The following DAB1 variants were observed in gnomAD, a reference collection of about 807,000 sequenced individuals.
DAB1 encodes the protein DAB adaptor protein 1.
A neutral mutation model predicts 64.6 loss-of-function variants in DAB1; 15 were observed. The ratio of observed to expected loss-of-function variants is 0.23; its 90% CI spans 0.16 to 0.36. The LOEUF (loss-of-function observed/expected upper bound fraction) is 0.36, where lower values mean the gene tolerates loss of function less well. DAB1 is among the 10% of genes least tolerant of loss of function. The pLI is 1.00. For synonymous variants in DAB1, 235 were observed against 251.9 expected, an observed-to-expected ratio of 0.93 and a Z score of 0.64; for missense variants, 596 against 706.7, an observed-to-expected ratio of 0.84 and a Z score of 1.78.
chr1:57,126,244 GA>G (rs1657116274), intron 4 of DAB1, among the ~76,000 whole-genome samples: 1 of 152,134 alleles, frequency 6.6e-6, no homozygotes, highest in Non-Finnish European at 1.5e-5. Flanking sequence ...GTTAATTCTA[GA>G]ATCAAAAATT....
intron 2 of DAB1, among the ~76,000 whole-genome samples, chr1:57,240,587 T>C (rs1668425897): frequency 6.6e-6 from 1 of 152,160 alleles, no homozygotes; most frequent in South Asian, 2.1e-4. Context: ...ATTAGAGACA[T>C]GCAAACTCAA....
chr1:57,065,421 A>G (rs907240609), intron 8 of DAB1, among the ~76,000 whole-genome samples: 2 of 152,246 alleles, frequency 1.3e-5, no homozygotes, highest in Non-Finnish European at 2.9e-5. Flanking sequence ...ATGGAAAAGT[A>G]ATCAGACTAC....
chr1:57,646,130 T>C (rs1646188916), intron 7 of DAB1, among the ~76,000 whole-genome samples: 1 of 152,186 alleles, frequency 6.6e-6, no homozygotes, highest in Admixed American at 6.5e-5. Context: ...TCACCTATGA[T>C]GGCTGCAGAT....
At chr1:57,487,655 G>A (rs1644108817) in intron 7 of DAB1, among the ~76,000 whole-genome samples, 2 of 152,202 alleles carry the variant, frequency 1.3e-5, no homozygotes. Context: ...GTAACAGGCT[G>A]TCCAGATTTG....
chr1:58,465,559 C>A (rs1005231311), intron 3 of DAB1, among the ~76,000 whole-genome samples: 2 of 152,134 alleles, frequency 1.3e-5, no homozygotes, highest in Non-Finnish European at 2.9e-5. Flanking sequence ...GGAGCAGCTT[C>A]GTGGAAAGAT....
chr1:57,385,810 A>T (rs1681763993), intron 1 of DAB1, among the ~76,000 whole-genome samples: 2 of 152,210 alleles, frequency 1.3e-5, no homozygotes, highest in South Asian at 4.1e-4. Context: ...GCAAGGTACC[A>T]TGGAGTCTAC....
intron 2 of DAB1, among the ~76,000 whole-genome samples, chr1:57,255,471 G>A (rs1669691145): frequency 6.6e-6 from 1 of 152,018 alleles, no homozygotes. Context: ...AGACCAGCCT[G>A]GGCATCATGG....
intron 2 of DAB1, among the ~76,000 whole-genome samples, chr1:57,157,697 C>A (rs1660365666): frequency 6.6e-6 from 1 of 152,158 alleles, no homozygotes; most frequent in African/African-American, 2.4e-5. Context: ...CTCCCAAAGA[C>A]CCCACCTGCA....
In DAB1 at chr1:57,158,226, A is replaced by T. The variant is rs538761309; in HGVS notation, c.68-12797T>A. On this transcript the variant is annotated intron_variant, in intron 2 of 14. Transcript: ENST00000371236. ...ACTGCCTTCTTTCTCCCCAAGTAAT[A>T]TATTTTACATTAAGCATCAGTGGCC... 1.0e-3 allele frequency among the ~76,000 whole-genome samples: 159 copies of T among 152,280 alleles called. 2 individuals carry two copies. Among genetic ancestry groups the T allele is most frequent in the Non-Finnish European group, 2.0e-3 (134 of 68,024 alleles).
intron 6 of DAB1, among the ~76,000 whole-genome samples, chr1:57,698,480 G>A (rs763942783): frequency 5.3e-5 from 8 of 151,900 alleles, no homozygotes; most frequent in South Asian, 4.2e-4. Flanking sequence ...TTTAGGGAGC[G>A]GCTTCATGTG....
chr1:58,230,764 C>A (rs976715186), intron 4 of DAB1, among the ~76,000 whole-genome samples: 2 of 152,180 alleles, frequency 1.3e-5, no homozygotes, highest in African/African-American at 2.4e-5. Context: ...CTAGGTTGTG[C>A]TAAGCTTAAT....
At position 58,397,766 on chromosome 1, in the gene DAB1, A is replaced by T. The variant is rs974260325; in HGVS notation, n.258-54363T>A. ...ATTGCTCCCCACCACCCCGCATCAAAGTATTCACCACGTCCTGTGGATTTG... is the reference window on the plus strand; with the variant it reads ...ATTGCTCCCCACCACCCCGCATCAATGTATTCACCACGTCCTGTGGATTTG... On this transcript the variant is annotated intron_variant and non_coding_transcript_variant, in intron 3 of 20. Transcript: ENST00000485760. 5.9e-5 allele frequency among the ~76,000 whole-genome samples: 9 copies of T among 152,294 alleles called. No homozygotes were observed. The South Asian group carries it at 1.9e-3, about 32-fold the overall frequency.
At chr1:58,265,358 C>T (rs1414685740) in intron 4 of DAB1, among the ~76,000 whole-genome samples, 1 of 152,178 alleles carries the variant, frequency 6.6e-6, no homozygotes, top group African/African-American at 2.4e-5. Context: ...TAAGAGGAGT[C>T]TCTTAGTGTA....
chr1:58,216,686 C>A, intron 4 of DAB1, among the ~76,000 whole-genome samples: 1 of 152,224 alleles, frequency 6.6e-6, no homozygotes, highest in Non-Finnish European at 1.5e-5. Flanking sequence ...TCCTCTCCAG[C>A]ATCTGTTGTT....
Position 57,735,516 on chromosome 1 carries a change from C to T in DAB1, n.552-85851G>A, listed in dbSNP as rs1364212722. Among the ~76,000 whole-genome samples the T allele has an allele frequency of 2.6e-5, 4 of 151,660 alleles. No individual in the cohort carries two copies. The East Asian group carries it at 7.8e-4, about 29-fold the overall frequency. ...ATGAAAACCAAGCAAGATAAAATGC[C>T]TCTCTAGTAAGAAGCTTACTGTCAA... is the stretch of plus-strand genomic sequence containing the variant. On this transcript the variant is annotated intron_variant and non_coding_transcript_variant, in intron 6 of 20. Coordinates refer to the DAB1 transcript ENST00000485760.
chr1:57,153,629 TTTTTG>T (rs146446346), intron 2 of DAB1, among the ~76,000 whole-genome samples: 60,101 of 147,360 alleles, frequency 0.41, 12,170 homozygotes, highest in Middle Eastern at 0.57. Flanking sequence ...TGGGGTTTTT[TTTTTG>T]TTTGTTTGTT....
chr1:57,533,392 A>AT (rs556083190), intron 7 of DAB1, among the ~76,000 whole-genome samples: 2,726 of 147,600 alleles, frequency 0.018, 86 homozygotes, highest in African/African-American at 0.061. Flanking sequence ...AAGTTTAATG[A>AT]TTTTTTTTTT....
intron 6 of DAB1, among the ~76,000 whole-genome samples, chr1:57,702,003 A>G (rs1358974734): frequency 4.6e-5 from 7 of 152,184 alleles, no homozygotes; most frequent in Admixed American, 2.0e-4. Context: ...GAGTTGGTCA[A>G]TGGTTCCTTG....
At chr1:58,227,228 C>G (rs993714842) in intron 4 of DAB1, among the ~76,000 whole-genome samples, 4 of 152,168 alleles carry the variant, frequency 2.6e-5, no homozygotes, top group African/African-American at 9.7e-5. Context: ...TGGGAGGCAA[C>G]AGAGCCAAAT....
Sources: gnomAD v4.1 joint callset for allele counts (sites outside exome capture counted in the v4.1 genomes callset) on GRCh38, gnomAD v4.1.1 for gene constraint, MANE v1.5 for transcripts, NCBI Gene and HGNC (gene_info 2026-07-23, HGNC 2026-07-21) for gene names.